Variants in PAM observed in about 807,000 individuals in gnomAD.
The protein encoded by PAM is peptidylglycine alpha-amidating monooxygenase.
PAM carries 72 observed loss-of-function variants against 122.1 expected under a neutral mutation model. The observed-to-expected ratio is 0.59, with a 90% CI of 0.49 to 0.72. The LOEUF (loss-of-function observed/expected upper bound fraction) is 0.72, where lower values mean the gene tolerates loss of function less well. Ranked by LOEUF, PAM falls within the 30% of genes least tolerant of loss-of-function variation. The pLI is 0.00. For synonymous variants in PAM, 389 were observed against 404.4 expected (o/e 0.96, Z 0.46); for missense variants, 1,106 against 1,183.7 (o/e 0.93, Z 0.96).
At chr5:102,759,369 T>C (rs913930652) in intron 1 of PAM, among the ~76,000 whole-genome samples, 1 of 152,008 alleles carries the variant, frequency 6.6e-6, no homozygotes, top group African/African-American at 2.4e-5. Context: ...CATGATGCCT[T>C]AGAATGGAAG....
intron 23 of PAM, among the ~76,000 whole-genome samples, chr5:103,022,910 G>C (rs957472013): frequency 6.6e-6 from 1 of 152,142 alleles, no homozygotes. Flanking sequence ...CTCTTGTGAA[G>C]AGTAGCAATA....
chr5:102,940,115 TACAC>T (rs66466018), intron 7 of PAM, among the ~76,000 whole-genome samples: 3,184 of 134,392 alleles, frequency 0.024, 43 homozygotes, highest in African/African-American at 0.04. Context: ...TATGTATACA[TACAC>T]ACACACACAC....
At chr5:102,925,198 G>A (rs1429995871) in intron 6 of PAM, among the ~76,000 whole-genome samples, 156 bp downstream of exon 6, 1 of 152,156 alleles carries the variant, frequency 6.6e-6, no homozygotes, top group East Asian at 1.9e-4. Flanking sequence ...TATTGAAAAG[G>A]TTTCATTTAG....
At chr5:102,839,170 T>C (rs1777874031) in intron 1 of PAM, among the ~76,000 whole-genome samples, 1 of 152,208 alleles carries the variant, frequency 6.6e-6, no homozygotes, top group South Asian at 2.1e-4. Flanking sequence ...TTTCATTTAC[T>C]CTCTATCAAA....
rs569442042 is a variant in PAM at position 102,859,531 on chromosome 5, A to AT, written c.-373-6287dup. The stretch of plus-strand genomic sequence containing the variant: ...TGCAAAGGAGTTAAAAAGTTAAACA[A>AT]TTTTTAAAAGTTTATGAAGTAAAAA... On this transcript the variant is annotated intron_variant, in intron 1 of 25. Transcript: ENST00000438793. Among the ~76,000 whole-genome samples the AT allele has an allele frequency of 3.0e-3, 456 of 152,282 alleles. 5 individuals are homozygous for AT. Among genetic ancestry groups the AT allele is most frequent in the African/African-American group, 0.01 (432 of 41,562 alleles).
chr5:102,799,169 A>T (rs1383046229), intron 1 of PAM, among the ~76,000 whole-genome samples: 1 of 152,226 alleles, frequency 6.6e-6, no homozygotes, highest in Non-Finnish European at 1.5e-5. Context: ...TGCTTACAAG[A>T]TTACTTAATC....
At chr5:102,938,086 C>A (rs1021674511) in intron 7 of PAM, among the ~76,000 whole-genome samples, 1 of 152,138 alleles carries the variant, frequency 6.6e-6, no homozygotes, top group Non-Finnish European at 1.5e-5. Context: ...ACACAAGCAG[C>A]TTGATGTGAG....
At chr5:102,773,527 G>T (rs1756342654) in intron 1 of PAM, among the ~76,000 whole-genome samples, 1 of 151,918 alleles carries the variant, frequency 6.6e-6, no homozygotes, top group South Asian at 2.1e-4. Context: ...ACAAAGTATT[G>T]CTCTGTTTAA....
At chr5:102,906,315 A>G (rs1460936084) in intron 4 of PAM, among the ~76,000 whole-genome samples, 3 of 151,702 alleles carry the variant, frequency 2.0e-5, no homozygotes, top group Non-Finnish European at 4.4e-5. Flanking sequence ...TTCAGCAGGA[A>G]CTACTTTAGT....
chr5:102,842,143 G>A (rs1340856126), intron 1 of PAM, among the ~76,000 whole-genome samples: 2 of 149,254 alleles, frequency 1.3e-5, no homozygotes, highest in Non-Finnish European at 3.0e-5. Context: ...ACTTACAAAA[G>A]GAAAACGCAT....
At chr5:102,934,185 C>G (rs866951752) in intron 7 of PAM, among the ~76,000 whole-genome samples, 3 of 152,170 alleles carry the variant, frequency 2.0e-5, no homozygotes, top group African/African-American at 7.2e-5. Context: ...CTCCTCCAAC[C>G]TCAGCTGACA....
At chr5:102,824,611 T>C (rs1490277759) in intron 1 of PAM, among the ~76,000 whole-genome samples, 1 of 152,232 alleles carries the variant, frequency 6.6e-6, no homozygotes, top group Non-Finnish European at 1.5e-5. Flanking sequence ...ACTTTTCCTG[T>C]TACTCACATT....
intron 12 of PAM, among the ~76,000 whole-genome samples, chr5:102,958,047 C>G (rs1395044120): frequency 6.6e-6 from 1 of 152,130 alleles, no homozygotes; most frequent in South Asian, 2.1e-4. Context: ...AATATTTAGA[C>G]CAGCAGTGAT....
At chr5:102,754,945 C>T (rs1263085839), upstream of PAM, 1 of 152,278 alleles carries the variant, frequency 6.6e-6, no homozygotes, top group Non-Finnish European at 1.5e-5. Context: ...CTGGCCCGCG[C>T]GTGAGTTCAG....
chr5:102,818,659 G>A (rs180720334), intron 1 of PAM, among the ~76,000 whole-genome samples: 1 of 152,224 alleles, frequency 6.6e-6, no homozygotes, highest in East Asian at 1.9e-4. Flanking sequence ...CCCTCTGAAA[G>A]TCTCCCCAAG....
chr5:102,914,105 A>G (rs1802393458), intron 5 of PAM, 84 bp downstream of exon 5: 4 of 744,026 alleles, frequency 5.4e-6, no homozygotes, highest in Non-Finnish European at 9.7e-6. Context: ...GTATTTTACA[A>G]CTAGTTAATA....
intron 1 of PAM, among the ~76,000 whole-genome samples, chr5:102,784,978 A>G (rs1368194830): frequency 6.6e-6 from 1 of 152,258 alleles, no homozygotes; most frequent in Non-Finnish European, 1.5e-5. Context: ...AAACAACAAA[A>G]AAGCAATGCC....
At chr5:102,949,086 T>C (rs1190860171) in intron 9 of PAM, among the ~76,000 whole-genome samples, 1 of 152,136 alleles carries the variant, frequency 6.6e-6, no homozygotes, top group African/African-American at 2.4e-5. Context: ...TGAATATTTA[T>C]TGAATAGCTA....
chr5:102,809,713 T>TGA (rs144121308), intron 1 of PAM, among the ~76,000 whole-genome samples: 2,206 of 152,344 alleles, frequency 0.014, 60 homozygotes, highest in African/African-American at 0.05. Flanking sequence ...AAAGAATCAG[T>TGA]GAGAAGTACA....
Sources: allele counts gnomAD v4.1 joint callset (sites outside exome capture counted in the v4.1 genomes callset), GRCh38; gene constraint gnomAD v4.1.1; transcripts MANE v1.5; gene names NCBI Gene and HGNC (gene_info 2026-07-23, HGNC 2026-07-21).